RBFOX1: variants seen among roughly 807,000 people sequenced by gnomAD.
RBFOX1 encodes the protein RNA binding protein fox-1 homolog 1.
In RBFOX1, 8 loss-of-function variants were observed where a neutral mutation model predicts 57.7. That is an observed-to-expected ratio of 0.14 (90% CI 0.08 to 0.25). RBFOX1 has a LOEUF of 0.25. Ranked by LOEUF, RBFOX1 falls within the 10% of genes least tolerant of loss-of-function variation. The pLI, the probability that RBFOX1 is intolerant of heterozygous loss-of-function variation, is 1.00. For synonymous variants in RBFOX1, 326 were observed against 222.4 expected (o/e 1.47, Z -4.15); for missense variants, 611 against 548.5 (o/e 1.11, Z -1.14).
chr16:6,668,587 C>G (rs759986746), intron 3 of RBFOX1, among the ~76,000 whole-genome samples: 6 of 152,110 alleles, frequency 3.9e-5, no homozygotes, highest in Non-Finnish European at 7.4e-5. Flanking sequence ...CCTAGGTGCT[C>G]GAGAAGCCTT....
intron 2 of RBFOX1, among the ~76,000 whole-genome samples, chr16:5,521,571 G>A (rs1050973699): frequency 3.3e-5 from 5 of 152,152 alleles, no homozygotes; most frequent in Admixed American, 6.5e-5. Flanking sequence ...GGCCTCTGCA[G>A]ATGAGAATTT....
intron 1 of RBFOX1, among the ~76,000 whole-genome samples, chr16:5,298,850 G>A (rs77744663): frequency 0.015 from 936 of 61,114 alleles, 35 homozygotes; most frequent in African/African-American, 0.057. Flanking sequence ...AATAAAAATG[G>A]TAATGAGAAT....
chr16:6,995,974 C>G (rs1335423625), intron 3 of RBFOX1, among the ~76,000 whole-genome samples: 2 of 152,146 alleles, frequency 1.3e-5, no homozygotes, highest in Admixed American at 6.5e-5. Context: ...TCCCTAATTA[C>G]TTTTTCCCAT....
chr16:5,965,236 T>G (rs1455900656), intron 4 of RBFOX1, among the ~76,000 whole-genome samples: 4 of 152,168 alleles, frequency 2.6e-5, no homozygotes, highest in Admixed American at 2.6e-4. Context: ...TACAGTATAG[T>G]GACTATAGTT....
intron 2 of RBFOX1, among the ~76,000 whole-genome samples, chr16:6,535,740 T>C (rs1445365917): frequency 1.3e-5 from 2 of 152,220 alleles, no homozygotes; most frequent in African/African-American, 4.8e-5. Context: ...AGGAAGCCTC[T>C]TTCATCTTTC....
At chr16:6,762,395 A>G (rs2076731658) in intron 3 of RBFOX1, among the ~76,000 whole-genome samples, 2 of 152,166 alleles carry the variant, frequency 1.3e-5, no homozygotes, top group South Asian at 2.1e-4. Context: ...GGTAAATATT[A>G]GCAAACAGTA....
chr16:7,044,124 A>C (rs1342505878), intron 3 of RBFOX1, among the ~76,000 whole-genome samples: 1 of 152,080 alleles, frequency 6.6e-6, no homozygotes, highest in Admixed American at 6.6e-5. Context: ...CCTGGCACTT[A>C]GGACAGTGTC....
At chr16:6,837,384 T>C (rs993103337) in intron 3 of RBFOX1, among the ~76,000 whole-genome samples, 3 of 152,178 alleles carry the variant, frequency 2.0e-5, no homozygotes, top group Admixed American at 2.0e-4. Flanking sequence ...TCCGCAATGG[T>C]AGTGACTTCC....
intron 4 of RBFOX1, among the ~76,000 whole-genome samples, chr16:7,301,510 A>T (rs1291036301): frequency 1.3e-5 from 2 of 152,228 alleles, no homozygotes; most frequent in Non-Finnish European, 2.9e-5. Context: ...TCTAATCACT[A>T]CTGAGGGGTT....
At chr16:5,959,514 G>C (rs1020175892) in intron 4 of RBFOX1, among the ~76,000 whole-genome samples, 1 of 152,140 alleles carries the variant, frequency 6.6e-6, no homozygotes, top group Non-Finnish European at 1.5e-5. Context: ...TGAGTGCATG[G>C]GGTAAGAAAA....
At chr16:7,125,960 G>C (rs765087917) in intron 4 of RBFOX1, among the ~76,000 whole-genome samples, 1 of 152,102 alleles carries the variant, frequency 6.6e-6, no homozygotes, top group Non-Finnish European at 1.5e-5. Context: ...GCACACACCC[G>C]TAATCCCAGC....
intron 4 of RBFOX1, among the ~76,000 whole-genome samples, chr16:7,178,043 G>C (rs1182147455): frequency 6.6e-6 from 1 of 152,198 alleles, no homozygotes; most frequent in African/African-American, 2.4e-5. Context: ...ATGTACACTT[G>C]TACTGTTGTA....
chr16:5,429,963 T>A (rs74007414), intron 1 of RBFOX1, among the ~76,000 whole-genome samples: 7,960 of 152,260 alleles, frequency 0.052, 697 homozygotes, highest in African/African-American at 0.18. Flanking sequence ...CTTCTTCATT[T>A]TGCTTATCAC....
intron 3 of RBFOX1, among the ~76,000 whole-genome samples, chr16:6,975,987 CATG>C (rs998034898): frequency 3.0e-4 from 45 of 152,042 alleles, no homozygotes; most frequent in African/African-American, 1.1e-3. Flanking sequence ...ATTAGCCAGG[CATG>C]GTGGTGGGCG....
At chr16:7,221,344 A>ATGAT (rs1555593136) in intron 4 of RBFOX1, among the ~76,000 whole-genome samples, 1 of 114,632 alleles carries the variant, frequency 8.7e-6, no homozygotes, top group African/African-American at 2.7e-5. Context: ...TTTTTATTTG[A>ATGAT]TTATTTATTT....
intron 1 of RBFOX1, among the ~76,000 whole-genome samples, chr16:5,288,509 C>G (rs2063454873): frequency 6.6e-6 from 1 of 152,048 alleles, no homozygotes; most frequent in Non-Finnish European, 1.5e-5. Context: ...ATTAAAAAAA[C>G]AAAAGGTCTT....
chr16:5,740,959 T>A (rs118097049), intron 3 of RBFOX1, among the ~76,000 whole-genome samples: 3,991 of 152,144 alleles, frequency 0.026, 89 homozygotes, highest in Non-Finnish European at 0.039. Flanking sequence ...TGGAGTGGGA[T>A]CATGAGGGAT....
intron 2 of RBFOX1, among the ~76,000 whole-genome samples, chr16:5,593,788 T>G (rs1302385885): frequency 1.3e-5 from 2 of 152,214 alleles, no homozygotes; most frequent in African/African-American, 2.4e-5. Flanking sequence ...ATTCCTTTAC[T>G]TTCCTAATCA....
intron 5 of RBFOX1, among the ~76,000 whole-genome samples, chr16:7,542,909 A>G (rs928808074): frequency 6.6e-6 from 1 of 151,892 alleles, no homozygotes; most frequent in Non-Finnish European, 1.5e-5. Context: ...TGTCTTCCTA[A>G]AAACACCACC....
Sources: gnomAD v4.1 joint callset for allele counts (sites outside exome capture counted in the v4.1 genomes callset) on GRCh38, gnomAD v4.1.1 for gene constraint, MANE v1.5 for transcripts, NCBI Gene and HGNC (gene_info 2026-07-23, HGNC 2026-07-21) for gene names.